The following LYPD6 variants were observed in gnomAD, a reference collection of about 807,000 sequenced individuals.
LYPD6 encodes the protein LY6/PLAUR domain containing 6, also known as ly6/PLAUR domain-containing protein 6.
A neutral mutation model predicts 22.7 loss-of-function variants in LYPD6; 15 were observed. The ratio of observed to expected loss-of-function variants is 0.66; its 90% CI spans 0.44 to 1.02. LYPD6 has a LOEUF of 1.02. Among genes scored for constraint, LYPD6 ranks in the 50% least tolerant of loss-of-function variants. The pLI is 0.00. For synonymous variants in LYPD6, 72 were observed against 77.5 expected (o/e 0.93, Z 0.37); for missense variants, 189 against 208.4 (o/e 0.91, Z 0.57).
chr2:149,477,608 G>C (rs1285943230), downstream of LYPD6, among the ~76,000 whole-genome samples: 3 of 100,510 alleles, frequency 3.0e-5, no homozygotes, highest in Non-Finnish European at 5.4e-5. Flanking sequence ...GGGTGACAGA[G>C]CAAAACTGTG....
rs370187885 is a variant in LYPD6 at position 149,334,588 on chromosome 2, T to C, written c.-72+3866T>C. The stretch of plus-strand genomic sequence containing the variant: ...AAGTATATTGAAGAAGCCTGGTGTG[T>C]ACGTGACAGCAATCTGGGGTATTGC... On this transcript the variant is annotated intron_variant, in intron 1 of 4. Coordinates refer to ENST00000334166, the MANE Select transcript of LYPD6 (RefSeq NM_194317.5). 6.5e-3 allele frequency among the ~76,000 whole-genome samples: 992 copies of C among 152,170 alleles called. 7 individuals carry two copies. Among genetic ancestry groups the C allele is most frequent in the South Asian group, 9.8e-3 (47 of 4,804 alleles).
At chr2:149,418,456 G>C (rs1406972277) in intron 1 of LYPD6, among the ~76,000 whole-genome samples, 1 of 150,750 alleles carries the variant, frequency 6.6e-6, no homozygotes, top group Non-Finnish European at 1.5e-5. Flanking sequence ...ATAAGAAGTT[G>C]AAATGGGGGA....
intron 1 of LYPD6, among the ~76,000 whole-genome samples, chr2:149,333,140 A>G (rs1680970975): frequency 1.3e-5 from 2 of 152,222 alleles, no homozygotes; most frequent in African/African-American, 2.4e-5. Context: ...TAAAATCAGA[A>G]CTACTCTGGA....
chr2:149,339,079 T>A (rs1681111168), intron 1 of LYPD6, among the ~76,000 whole-genome samples: 1 of 152,190 alleles, frequency 6.6e-6, no homozygotes, highest in Non-Finnish European at 1.5e-5. Flanking sequence ...AATAGAACTC[T>A]GGCTTGGAAG....
At chr2:149,427,659 A>T (rs1683213823) in intron 1 of LYPD6, among the ~76,000 whole-genome samples, 6 of 152,238 alleles carry the variant, frequency 3.9e-5, no homozygotes, top group Admixed American at 3.3e-4. Flanking sequence ...CATTTTGGTC[A>T]ACAGTGGACT....
At chr2:149,444,300 G>T (rs915584363) in intron 2 of LYPD6, among the ~76,000 whole-genome samples, 6 of 152,172 alleles carry the variant, frequency 3.9e-5, no homozygotes, top group African/African-American at 1.4e-4. Context: ...TGAGCCTTTA[G>T]TGAGTTACAA....
chr2:149,470,781 A>AAATGGGC lies in LYPD6; in HGVS notation c.449_455dup (p.His152GlnfsTer75). On this transcript the variant is annotated frameshift_variant, in exon 5 of 5. Transcript: ENST00000334166. LOFTEE classifies it high-confidence loss of function. ...CCACGACGTCACCTATAAATCAGAC[A>AAATGGGC]AATGGGCACCCACGCTGTATGTCAG... The AAATGGGC allele has an allele frequency of 6.2e-7, 1 of 1,613,858 alleles. No homozygotes were observed.
intron 1 of LYPD6, among the ~76,000 whole-genome samples, chr2:149,433,263 A>T (rs1057317722): frequency 2.7e-4 from 41 of 152,310 alleles, no homozygotes; most frequent in African/African-American, 9.1e-4. Context: ...ATCAGGCCTA[A>T]TGAATTCAGC....
intron 1 of LYPD6, among the ~76,000 whole-genome samples, chr2:149,427,230 T>G (rs1683205873): frequency 6.6e-6 from 1 of 152,192 alleles, no homozygotes; most frequent in South Asian, 2.1e-4. Context: ...TTTAGTTCAC[T>G]TAGAACTACT....
chr2:149,411,727 T>C (rs1227371285), intron 1 of LYPD6, among the ~76,000 whole-genome samples: 1 of 152,208 alleles, frequency 6.6e-6, no homozygotes, highest in Non-Finnish European at 1.5e-5. Context: ...TACTTACACA[T>C]GGTAAGACAA....
At chr2:149,385,206 G>C (rs1488059981) in intron 1 of LYPD6, among the ~76,000 whole-genome samples, 1 of 152,060 alleles carries the variant, frequency 6.6e-6, no homozygotes, top group African/African-American at 2.4e-5. Flanking sequence ...GGGTAAAGAT[G>C]GGGTGTTCAT....
intron 1 of LYPD6, among the ~76,000 whole-genome samples, chr2:149,346,684 CTG>C (rs372929860): frequency 3.9e-5 from 6 of 152,268 alleles, no homozygotes; most frequent in African/African-American, 1.4e-4. Context: ...TAGTAAGTCT[CTG>C]TTATTAAAAA....
chr2:149,408,196 C>A (rs541995686), intron 1 of LYPD6, among the ~76,000 whole-genome samples: 2 of 152,194 alleles, frequency 1.3e-5, no homozygotes, highest in African/African-American at 4.8e-5. Context: ...CAGGGACCCA[C>A]TTGAGGAGGC....
rs1044401338 is a variant in LYPD6 at position 149,330,637 on chromosome 2, C to G, written c.-157C>G. 6.7e-6 allele frequency: 1 copy of G among 150,094 alleles called. No homozygotes were observed. The highest frequency in any genetic ancestry group is 1.5e-5 in the Non-Finnish European group (1 of 66,760). 9.3% of individuals were successfully genotyped at this position (150,094 alleles called of 1,614,324 possible). ...CTCCGGCAGCGGGCTGGCGGGGCGC[C>G]GCATTGCACACTCTGGGGGCGCCGC... On this transcript the variant is annotated 5_prime_UTR_variant, in exon 1 of 5. Transcript: ENST00000334166.
At chr2:149,372,407 A>G (rs1681832091) in intron 1 of LYPD6, among the ~76,000 whole-genome samples, 1 of 152,214 alleles carries the variant, frequency 6.6e-6, no homozygotes, top group South Asian at 2.1e-4. Context: ...CAGAATATCC[A>G]GATTGGTTCA....
chr2:149,343,620 C>A (rs988665672), intron 1 of LYPD6, among the ~76,000 whole-genome samples: 37 of 152,134 alleles, frequency 2.4e-4, no homozygotes, highest in Non-Finnish European at 7.3e-5. Context: ...TGAGTCCAAG[C>A]AAGGGGACTG....
chr2:149,426,806 TGTG>T (rs1369966102), intron 1 of LYPD6, among the ~76,000 whole-genome samples: 3 of 152,084 alleles, frequency 2.0e-5, no homozygotes, highest in Non-Finnish European at 4.4e-5. Flanking sequence ...CCCTTAATAA[TGTG>T]GGTAAGCAGG....
At chr2:149,460,315 A>G (rs1178234713) in intron 3 of LYPD6, among the ~76,000 whole-genome samples, 5 of 142,344 alleles carry the variant, frequency 3.5e-5, no homozygotes, top group Non-Finnish European at 7.7e-5. Flanking sequence ...TAAGCAAATT[A>G]AAAGAATGGA....
chr2:149,431,110 T>G (rs903619365), intron 1 of LYPD6, among the ~76,000 whole-genome samples: 7 of 152,120 alleles, frequency 4.6e-5, no homozygotes, highest in Non-Finnish European at 1.0e-4. Flanking sequence ...AGAGCACAAA[T>G]TAAATCTGTC....
Sources: allele counts gnomAD v4.1 joint callset (sites outside exome capture counted in the v4.1 genomes callset), GRCh38; gene constraint gnomAD v4.1.1; transcripts MANE v1.5; gene names NCBI Gene and HGNC (gene_info 2026-07-23, HGNC 2026-07-21).